Variants in DDI2 observed in about 807,000 individuals in gnomAD.
The protein encoded by DDI2 is protein DDI1 homolog 2.
A neutral mutation model predicts 48.1 loss-of-function variants in DDI2; 5 were observed. The ratio of observed to expected loss-of-function variants is 0.10; its 90% CI spans 0.05 to 0.22. DDI2 has a LOEUF of 0.22. DDI2 is among the 10% of genes least tolerant of loss of function. The pLI is 1.00. For missense variants in DDI2, 285 were observed against 506.2 expected, an observed-to-expected ratio of 0.56 and a Z score of 4.19; for synonymous variants, 205 against 183.6, an observed-to-expected ratio of 1.12 and a Z score of -0.94.
At position 15,638,394 on chromosome 1, in the gene DDI2, C is replaced by T. The variant is rs1484286351; in HGVS notation, c.720C>T (p.Cys240=). 1 of 1,613,972 alleles carries T rather than the reference C, an allele frequency of 6.2e-7. No homozygotes were observed. The highest frequency in any genetic ancestry group is 1.1e-5 in the South Asian group (1 of 91,088). Residue 240 remains cysteine, a synonymous_variant, in exon 5 of 10, where the codon TGC becomes TGT. Transcript: ENST00000480945. ...FGQVVMLYIN[C]KVNGHPVKAF... is the part of the protein sequence containing the mutation. ...AAGTAGTGATGCTTTATATTAACTG[C>T]AAAGTGAATGGACATCCTGTGAAAG... is the stretch of plus-strand genomic sequence containing the variant.
chr1:15,659,824 G>T lies in DDI2; in HGVS notation c.*47-13G>T. On this transcript the variant is annotated splice_polypyrimidine_tract_variant and intron_variant, in intron 9 of 9. Coordinates refer to ENST00000480945, the MANE Select transcript of DDI2 (RefSeq NM_032341.5). The stretch of plus-strand genomic sequence containing the variant: ...CTAATTAATCTTTTTCCTTTCCCCT[G>T]TGTTCCATATAGAGAAAAGTGGTAA... 6.6e-7 allele frequency: 1 copy of T among 1,505,354 alleles called. No homozygotes were observed. The highest frequency in any genetic ancestry group is 1.4e-5 in the African/African-American group (1 of 71,708). 93.2% of individuals were successfully genotyped at this position (1,505,354 alleles called of 1,614,324 possible).
In DDI2 at chr1:15,651,752, G is replaced by A. The variant is rs776675686; in HGVS notation, c.1040G>A (p.Gly347Asp). 3.7e-6 allele frequency: 6 copies of A among 1,613,506 alleles called. No homozygotes were observed. In the Admixed American group the frequency reaches 8.3e-5, roughly 22 times the overall value. The change falls in exon 8 of 10, where the codon GGC (glycine) becomes GAC (aspartate). Residue 347 changes from glycine (G) to aspartate (D), a missense_variant. Gly to Asp is a moderately conservative substitution (Grantham distance 94). Coordinates refer to ENST00000480945, the MANE Select transcript of DDI2 (RefSeq NM_032341.5). ...KKNVLVIGTT[G>D]SQTTFLPEGE... is the part of the protein sequence containing the mutation. The stretch of plus-strand genomic sequence containing the variant: ...AATGTACTCGTGATCGGCACCACAG[G>A]CTCCCAGACCACCTTTCTTCCTGAG...
At chr1:15,619,985 A>T (rs1311658121) in intron 1 of DDI2, among the ~76,000 whole-genome samples, 1 of 152,144 alleles carries the variant, frequency 6.6e-6, no homozygotes, top group African/African-American at 2.4e-5. Flanking sequence ...TTCTTGTTAC[A>T]GCCATCATAA....
At position 15,617,685 on chromosome 1, in the gene DDI2, G is replaced by A; in HGVS notation, c.15G>A (p.Val5=). MLLT[V]YCVRRDLSEV... is the part of the protein sequence containing the mutation. ...GGGCCCGGGCCATGCTGCTCACCGT[G>A]TACTGTGTGCGGAGGGACCTCTCCG... Residue 5 remains valine (V), a synonymous_variant, in exon 1 of 10, where the codon GTG becomes GTA. Coordinates refer to ENST00000480945, the MANE Select transcript of DDI2 (RefSeq NM_032341.5). 6.2e-7 allele frequency: 1 copy of A among 1,600,582 alleles called. No individual in the cohort carries two copies. Among genetic ancestry groups the A allele is most frequent in the Non-Finnish European group, 8.5e-7 (1 of 1,173,680 alleles).
chr1:15,651,696 T>C lies in DDI2; in HGVS notation c.994-10T>C, dbSNP rs1640186035. The C allele has an allele frequency of 6.3e-7, 1 of 1,590,100 alleles. No homozygotes were observed. Among genetic ancestry groups the C allele is most frequent in the African/African-American group, 1.4e-5 (1 of 73,492 alleles). On this transcript the variant is annotated splice_polypyrimidine_tract_variant and intron_variant, in intron 7 of 9. Transcript: ENST00000480945. ...TATCTGCTATTATTCTTTGGTTTCT[T>C]TCTTCCAAGTGTTCCATCGACCTGA...
At chr1:15,637,410 C>T (rs554276190) in intron 4 of DDI2, among the ~76,000 whole-genome samples, 4 of 152,108 alleles carry the variant, frequency 2.6e-5, no homozygotes, top group Non-Finnish European at 5.9e-5. Context: ...CTCGCTCTGT[C>T]GCTCAGGCTG....
intron 1 of DDI2, among the ~76,000 whole-genome samples, chr1:15,620,574 A>T (rs926205989): frequency 9.2e-5 from 14 of 151,888 alleles, no homozygotes; most frequent in African/African-American, 3.4e-4. Context: ...AAATATATAT[A>T]TTTTTATGTT....
intron 8 of DDI2, among the ~76,000 whole-genome samples, chr1:15,652,110 G>C (rs1640195861): frequency 1.5e-5 from 2 of 129,652 alleles, no homozygotes; most frequent in South Asian, 2.4e-4. Flanking sequence ...CTGTCACCCA[G>C]GTTGGAGTGC....
At chr1:15,646,820 C>T (rs1450982319) in intron 6 of DDI2, among the ~76,000 whole-genome samples, 13 of 151,990 alleles carry the variant, frequency 8.6e-5, no homozygotes, top group Admixed American at 8.5e-4. Flanking sequence ...TTTCTTCTTC[C>T]ATTATCCATT....
At chr1:15,656,433 A>G in intron 8 of DDI2, 184 bp from the exon 9 acceptor site, 2 of 1,470,570 alleles carry the variant, frequency 1.4e-6, no homozygotes, top group Non-Finnish European at 1.8e-6. Flanking sequence ...TGCTGTGTGT[A>G]TTGTGAGAGA....
chr1:15,642,849 C>T (rs563108942), intron 5 of DDI2, among the ~76,000 whole-genome samples: 4 of 152,288 alleles, frequency 2.6e-5, no homozygotes, highest in African/African-American at 9.6e-5. Flanking sequence ...AGGTGGATCA[C>T]GAAGTCAGGA....
chr1:15,659,645 C>T (rs904188355), intron 9 of DDI2, among the ~76,000 whole-genome samples, 192 bp from the exon 10 acceptor site: 1 of 152,140 alleles, frequency 6.6e-6, no homozygotes, highest in African/African-American at 2.4e-5. Context: ...ACATGTCTAC[C>T]TCTTATTCTG....
chr1:15,626,599 C>A, intron 1 of DDI2, 70 bp from the exon 2 acceptor site: 1 of 1,587,192 alleles, frequency 6.3e-7, no homozygotes, highest in Non-Finnish European at 8.6e-7. Flanking sequence ...CAGGGGAAAA[C>A]TGGTCCTTCT....
At chr1:15,628,718 G>T (rs940179814) in intron 2 of DDI2, among the ~76,000 whole-genome samples, 1 of 147,442 alleles carries the variant, frequency 6.8e-6, no homozygotes, top group East Asian at 2.0e-4. Context: ...TTAAATAACA[G>T]TTTTATTGAG....
chr1:15,626,855 A>G (rs997096531), intron 2 of DDI2, 57 bp downstream of exon 2: 6 of 1,608,750 alleles, frequency 3.7e-6, no homozygotes, highest in Middle Eastern at 1.7e-4. Flanking sequence ...GTAGCAGAGC[A>G]TAGCACCTCA....
intron 4 of DDI2, among the ~76,000 whole-genome samples, chr1:15,635,339 A>T (rs1238831579): frequency 1.3e-5 from 2 of 152,152 alleles, no homozygotes; most frequent in Non-Finnish European, 2.9e-5. Context: ...TGAAATAGAG[A>T]GTGTCCATAA....
At chr1:15,654,756 A>G (rs1333525792) in intron 8 of DDI2, among the ~76,000 whole-genome samples, 1 of 151,992 alleles carries the variant, frequency 6.6e-6, no homozygotes. Context: ...ATTTTGTAGG[A>G]AGGGAGGAAT....
At chr1:15,659,318 T>C (rs890389805) in intron 9 of DDI2, among the ~76,000 whole-genome samples, 1 of 152,210 alleles carries the variant, frequency 6.6e-6, no homozygotes, top group Non-Finnish European at 1.5e-5. Flanking sequence ...AACATGAGAA[T>C]CATTCTGGTG....
chr1:15,636,707 G>C (rs906458117), intron 4 of DDI2, among the ~76,000 whole-genome samples: 1 of 152,188 alleles, frequency 6.6e-6, no homozygotes, highest in African/African-American at 2.4e-5. Context: ...TGATCCGCCT[G>C]CCTTGGCCTC....
Sources: gnomAD v4.1 joint callset for allele counts (sites outside exome capture counted in the v4.1 genomes callset) on GRCh38, gnomAD v4.1.1 for gene constraint, MANE v1.5 for transcripts, NCBI Gene and HGNC (gene_info 2026-07-23, HGNC 2026-07-21) for gene names.